ANAPC1: variants seen among roughly 807,000 people sequenced by gnomAD.
ANAPC1 encodes anaphase promoting complex subunit 1.
A neutral mutation model predicts 208.0 loss-of-function variants in ANAPC1; 36 were observed. The ratio of observed to expected loss-of-function variants is 0.17; its 90% confidence interval spans 0.13 to 0.23. The LOEUF is 0.23. Among genes scored for constraint, ANAPC1 ranks in the 10% least tolerant of loss-of-function variants. ANAPC1 has a pLI of 1.00. For missense variants in ANAPC1, 942 were observed against 2,011.6 expected, an observed-to-expected ratio of 0.47 and a Z score of 10.17; for synonymous variants, 378 against 695.2, an observed-to-expected ratio of 0.54 and a Z score of 7.18.
rs1405376346 is a variant in ANAPC1 at position 111,825,393 on chromosome 2, C to A, written c.2705-226G>T. 2.0e-5 allele frequency among the ~76,000 whole-genome samples: 3 copies of A among 152,170 alleles called. No individual in the cohort carries two copies. The East Asian group carries it at 5.8e-4, about 29-fold the overall frequency. ...TACCCAAATCCGTGCATGCTCAAGT[C>A]CTGCAACTGGCCCTGCAGAACCTGC... On this transcript the variant is annotated intron_variant, in intron 22 of 47. Coordinates refer to ENST00000341068, the MANE Select transcript of ANAPC1 (RefSeq NM_022662.4).
chr2:111,866,121 G>C (rs1407141074), intron 7 of ANAPC1: 2 of 199,282 alleles, frequency 1.0e-5, no homozygotes. Flanking sequence ...GGAGAATGAT[G>C]TGAACCTGGA....
intron 10 of ANAPC1, among the ~76,000 whole-genome samples, chr2:111,860,863 G>A (rs1237970824): frequency 4.0e-5 from 6 of 151,824 alleles, no homozygotes; most frequent in Non-Finnish European, 8.8e-5. Flanking sequence ...CTCTCCTTGG[G>A]AAAAGGCCTA....
At chr2:111,829,718 G>A (rs982119916) in intron 21 of ANAPC1, among the ~76,000 whole-genome samples, 4 of 151,760 alleles carry the variant, frequency 2.6e-5, no homozygotes, top group African/African-American at 9.7e-5. Flanking sequence ...ATAAAGAAGT[G>A]TTTCTTGAAA....
intron 3 of ANAPC1, among the ~76,000 whole-genome samples, chr2:111,875,007 C>T (rs908517): frequency 6.6e-6 from 1 of 152,150 alleles, no homozygotes; most frequent in Admixed American, 6.5e-5. Context: ...TTTGAGAAAT[C>T]GCCAAACTTT....
Position 111,782,376 on chromosome 2 carries a change from G to T in ANAPC1, c.5195C>A (p.Ala1732Asp), listed in dbSNP as rs529953256. 1 of 1,612,950 alleles carries T rather than the reference G, an allele frequency of 6.2e-7. No individual in the cohort carries two copies. The highest frequency in any genetic ancestry group is 2.2e-5 in the East Asian group (1 of 44,854). Residue 1732 changes from alanine to aspartate, a missense_variant, in exon 43 of 48, where the codon GCT (alanine) becomes GAT (aspartate). Transcript: ENST00000341068. ...ACCAATCAATAATACTACCTTGAAA[G>T]CCCGGGCTTCAGAGTTCCTGTTAGC... ...TVANRNSEAR[A>D]FKPETISAFT...
At chr2:111,827,995 C>T (rs577531986) in intron 21 of ANAPC1, among the ~76,000 whole-genome samples, 55 of 152,148 alleles carry the variant, frequency 3.6e-4, no homozygotes, top group Admixed American at 1.2e-3. Flanking sequence ...ACTGAAAAGA[C>T]ATTCACAGAA....
In ANAPC1 at chr2:111,831,327, A is replaced by G. The variant is rs747219169; in HGVS notation, c.2584T>C (p.Tyr862His). The change falls in exon 21 of 48, where the codon TAC (tyrosine) becomes CAC (histidine). Residue 862 changes from tyrosine to histidine, a missense_variant. By Grantham distance (83) the Tyr-to-His change is moderately conservative. Transcript: ENST00000341068. ...CTTCTTTCACAGATTCCAGGGAGGTAAGGATAAGGTGGCATTCCTTCACCC... is the reference window on the plus strand; with the variant it reads ...CTTCTTTCACAGATTCCAGGGAGGTGAGGATAAGGTGGCATTCCTTCACCC... ...LKGEGMPPYP[Y>H]LPGICERSRL... The G allele has an allele frequency of 1.2e-6, 2 of 1,611,938 alleles. No individual in the cohort carries two copies. The highest frequency in any genetic ancestry group is 1.7e-6 in the Non-Finnish European group (2 of 1,179,814).
rs1331806996 is a variant in ANAPC1 at position 111,850,811 on chromosome 2, T to C, written c.1615A>G (p.Lys539Glu). The change falls in exon 14 of 48, where the codon AAG (lysine) becomes GAG (glutamate). Residue 539 changes from lysine to glutamate, a missense_variant. By Grantham distance (56) the Lys-to-Glu change is moderately conservative (BLOSUM62 1). Coordinates refer to ENST00000341068, the MANE Select transcript of ANAPC1 (RefSeq NM_022662.4). ...GATCCAAGGAGTTTACTAAGAGGCTTTGGAGTACTAACGCCATCTAGTGGA... is the reference window on the plus strand; with the variant it reads ...GATCCAAGGAGTTTACTAAGAGGCTCTGGAGTACTAACGCCATCTAGTGGA... ...STPLDGVSTPKPLSKLLGSLD... is the reference protein window; with the variant it reads ...STPLDGVSTPEPLSKLLGSLD... The C allele has an allele frequency of 2.5e-6, 4 of 1,611,994 alleles. No individual in the cohort carries two copies. The highest frequency in any genetic ancestry group is 2.2e-5 in the East Asian group (1 of 44,872).
At chr2:111,840,594 T>C (rs925453779) in intron 17 of ANAPC1, among the ~76,000 whole-genome samples, 12 of 152,210 alleles carry the variant, frequency 7.9e-5, no homozygotes, top group Non-Finnish European at 1.2e-4. Context: ...TCTGTACTCA[T>C]CAACAAGTTA....
At chr2:111,878,483 T>G (rs1263295075) in intron 3 of ANAPC1, among the ~76,000 whole-genome samples, 1 of 152,254 alleles carries the variant, frequency 6.6e-6, no homozygotes, top group Non-Finnish European at 1.5e-5. Context: ...CAATCAATTA[T>G]AGTAATCATG....
chr2:111,841,697 G>C (rs1241890151), intron 17 of ANAPC1, among the ~76,000 whole-genome samples: 1 of 152,134 alleles, frequency 6.6e-6, no homozygotes, highest in Non-Finnish European at 1.5e-5. Context: ...AAGTCACTGG[G>C]GGATTCTACG....
chr2:111,853,410 A>C (rs553526498), intron 13 of ANAPC1, among the ~76,000 whole-genome samples: 4 of 152,264 alleles, frequency 2.6e-5, no homozygotes, highest in South Asian at 2.1e-4. Flanking sequence ...CATCCAGAAG[A>C]AGCAACTCTT....
intron 17 of ANAPC1, among the ~76,000 whole-genome samples, chr2:111,842,985 T>C (rs571421831): frequency 6.6e-6 from 1 of 152,298 alleles, no homozygotes; most frequent in South Asian, 2.1e-4. Context: ...TCCCAAGCAA[T>C]ATGTGTGTAA....
intron 3 of ANAPC1, among the ~76,000 whole-genome samples, chr2:111,875,820 T>G (rs1405920250): frequency 2.0e-5 from 3 of 152,230 alleles, no homozygotes; most frequent in Non-Finnish European, 2.9e-5. Flanking sequence ...AGTCATCTTT[T>G]TCCATAATTC....
intron 42 of ANAPC1, among the ~76,000 whole-genome samples, chr2:111,783,357 T>A (rs528205621): frequency 1.3e-5 from 2 of 152,274 alleles, no homozygotes; most frequent in Admixed American, 6.5e-5. Context: ...GCTGTTCTCA[T>A]GATAGTGAGT....
At chr2:111,874,423 A>G (rs1378953740) in intron 3 of ANAPC1, among the ~76,000 whole-genome samples, 2 of 152,044 alleles carry the variant, frequency 1.3e-5, no homozygotes, top group Admixed American at 1.3e-4. Flanking sequence ...CCATTAAACA[A>G]TACTCCCCAT....
At chr2:111,856,221 C>G (rs1043317460) in intron 13 of ANAPC1, among the ~76,000 whole-genome samples, 1 of 152,088 alleles carries the variant, frequency 6.6e-6, no homozygotes, top group African/African-American at 2.4e-5. Flanking sequence ...GGCAACAGAG[C>G]GAGACTCCGT....
chr2:111,851,544 C>T (rs1410330406), intron 13 of ANAPC1, among the ~76,000 whole-genome samples: 17 of 152,242 alleles, frequency 1.1e-4, no homozygotes, highest in African/African-American at 3.6e-4. Context: ...CGGTGGCTCA[C>T]GCCTGTAATC....
At chr2:111,854,510 T>G (rs1357051888) in intron 13 of ANAPC1, among the ~76,000 whole-genome samples, 1 of 152,188 alleles carries the variant, frequency 6.6e-6, no homozygotes, top group Non-Finnish European at 1.5e-5. Flanking sequence ...CCTCTCAGGT[T>G]ATGAAAGTCC....
Sources: gnomAD v4.1 joint callset for allele counts (sites outside exome capture counted in the v4.1 genomes callset) on GRCh38, gnomAD v4.1.1 for gene constraint, MANE v1.5 for transcripts, NCBI Gene and HGNC (gene_info 2026-07-23, HGNC 2026-07-21) for gene names.